The following PTPRN variants were observed in gnomAD, a reference collection of about 807,000 sequenced individuals.
PTPRN encodes the protein receptor-type tyrosine-protein phosphatase-like N.
A neutral mutation model predicts 108.5 loss-of-function variants in PTPRN; 70 were observed. That is an observed-to-expected ratio of 0.65 (90% CI 0.53 to 0.79). The LOEUF is 0.79. Ranked by LOEUF, PTPRN falls within the 30% of genes least tolerant of loss-of-function variation. The probability of loss-of-function intolerance (pLI) is 0.00; values close to 1 mark genes in which losing one functional copy is unlikely to be tolerated. For synonymous variants in PTPRN, 496 were observed against 524.6 expected (o/e 0.95, Z 0.75); for missense variants, 1,136 against 1,295.5 (o/e 0.88, Z 1.89).
intron 3 of PTPRN, among the ~76,000 whole-genome samples, chr2:219,305,063 A>G (rs1952449091): frequency 6.6e-6 from 1 of 151,938 alleles, no homozygotes; most frequent in Admixed American, 6.6e-5. Flanking sequence ...GTCAATTTTC[A>G]TATCTTATTT....
chr2:219,295,141 C>T lies in PTPRN; in HGVS notation c.2509G>A (p.Val837Met). Residue 837 changes from valine to methionine, a missense_variant and splice_region_variant, in exon 19 of 23, where the codon GTG becomes ATG. Val to Met is a conservative substitution (Grantham distance 21). Transcript: ENST00000295718. ...EGASLYHVYE[V>M]NLVSEHIWCE... ...CAGATGTGCTCCGACACCAGGTTCA[C>T]CTGCCCGGCAGGGGCCCAGGCCTGA... 5 of 1,609,414 alleles carry T rather than the reference C, an allele frequency of 3.1e-6. No individual in the cohort carries two copies. The East Asian group carries it at 9.0e-5, about 29-fold the overall frequency.
At chr2:219,295,573 A>T (rs1952171469) in intron 18 of PTPRN, 1 of 158,646 alleles carries the variant, frequency 6.3e-6, no homozygotes. Flanking sequence ...TCTGGTGATG[A>T]GAAGCTTCTG....
chr2:219,294,681 T>G (rs1952136680), intron 19 of PTPRN, among the ~76,000 whole-genome samples: 1 of 151,388 alleles, frequency 6.6e-6, no homozygotes, highest in South Asian at 2.1e-4. Flanking sequence ...CAGAGGGCCC[T>G]CTGGAGGAAG....
chr2:219,304,072 G>A (rs1952423864), intron 3 of PTPRN: 2 of 354,954 alleles, frequency 5.6e-6, no homozygotes, highest in Non-Finnish European at 1.0e-5. Context: ...CCTTGGGCAA[G>A]TTGCTGAACC....
chr2:219,308,924 C>T, intron 1 of PTPRN: 2 of 1,407,446 alleles, frequency 1.4e-6, no homozygotes, highest in Non-Finnish European at 1.9e-6. Flanking sequence ...TGTGGTCTCG[C>T]AGCCGGTCTC....
chr2:219,290,991 C>T lies in PTPRN; in HGVS notation c.2730-101G>A. ...TGGAGGCCTGGGGGAGGGGAGGACACTGGGTGACCCGTTGGGGTTGGCTTG... is the reference window on the plus strand; with the variant it reads ...TGGAGGCCTGGGGGAGGGGAGGACATTGGGTGACCCGTTGGGGTTGGCTTG... On this transcript the variant is annotated intron_variant, in intron 20 of 22. Transcript: ENST00000295718. This position sits in a 1 kb window ranked among gnomAD's most constrained non-coding sequence, Gnocchi z 4.2. The T allele has an allele frequency of 8.6e-7, 1 of 1,160,010 alleles. No homozygotes were observed. Among genetic ancestry groups the T allele is most frequent in the Non-Finnish European group, 1.3e-6 (1 of 774,254 alleles). The allele number at this position is 1,160,010 out of a possible 1,614,324, so 71.9% of individuals were successfully genotyped here.
intron 10 of PTPRN, 79 bp from the exon 11 acceptor site, chr2:219,299,463 C>G (rs934817772): frequency 1.3e-6 from 2 of 1,481,944 alleles, no homozygotes; most frequent in African/African-American, 2.8e-5. Flanking sequence ...CTGGCCCTCT[C>G]CCCGTTAGAG....
chr2:219,295,115 C>T lies in PTPRN; in HGVS notation c.2535G>A (p.Trp845Ter), dbSNP rs774232255. Reference protein sequence around the residue: ...YEVNLVSEHIWCEDFLVRSFY... With the variant: ...YEVNLVSEHI ...AGCTCCGCACCAGAAAGTCCTCGCA[C>T]CAGATGTGCTCCGACACCAGGTTCA... Residue 845 changes from tryptophan (W) to a stop codon, truncating the protein, a stop_gained, in exon 19 of 23, where the codon TGG becomes TGA. Transcript: ENST00000295718. LOFTEE classifies it high-confidence loss of function. 1 of 1,612,598 alleles carries T rather than the reference C, an allele frequency of 6.2e-7. No homozygotes were observed. Among genetic ancestry groups the T allele is most frequent in the Non-Finnish European group, 8.5e-7 (1 of 1,179,258 alleles).
At position 219,290,804 on chromosome 2, in the gene PTPRN, G is replaced by A. The variant is rs757486166; in HGVS notation, c.2794+22C>T. The stretch of plus-strand genomic sequence containing the variant: ...TCTAAAAAGGGCCTGGGGGCTGCGG[G>A]CACCGTGGGGAAGCTCCCTACCTTT... On this transcript the variant is annotated intron_variant, in intron 21 of 22. Coordinates refer to ENST00000295718, the MANE Select transcript of PTPRN (RefSeq NM_002846.4). The surrounding 1 kb of genome is among the most constrained non-coding windows in gnomAD (Gnocchi z 4.2). The A allele has an allele frequency of 6.2e-7, 1 of 1,612,380 alleles. No homozygotes were observed. Among genetic ancestry groups the A allele is most frequent in the Non-Finnish European group, 8.5e-7 (1 of 1,178,428 alleles).
Position 219,302,855 on chromosome 2 carries a change from G to A in PTPRN, c.378-18C>T. On this transcript the variant is annotated intron_variant, in intron 4 of 22. Transcript: ENST00000295718. ...AGCCAGACCTGTAGAGGAAAGCAAA[G>A]TGTGTGTGTTGGAGCGGGGGAAAGG... is the stretch of plus-strand genomic sequence containing the variant. 1.2e-6 allele frequency: 2 copies of A among 1,603,780 alleles called. No homozygotes were observed. The highest frequency in any genetic ancestry group is 1.7e-6 in the Non-Finnish European group (2 of 1,177,262).
intron 18 of PTPRN, 28 bp from the exon 19 acceptor site, chr2:219,295,169 G>C (rs902164486): frequency 6.3e-7 from 1 of 1,593,910 alleles, no homozygotes; most frequent in African/African-American, 1.4e-5. Flanking sequence ...AGGCCTGAGC[G>C]CCGCGGGCTG....
intron 1 of PTPRN, 78 bp downstream of exon 1, chr2:219,309,140 C>A: frequency 6.9e-7 from 1 of 1,451,452 alleles, no homozygotes; most frequent in Non-Finnish European, 9.4e-7. Flanking sequence ...ATTTCACCCT[C>A]ACCCCCACCG....
chr2:219,302,962 G>T (rs1479043199), intron 4 of PTPRN, 125 bp from the exon 5 acceptor site: 29 of 1,111,472 alleles, frequency 2.6e-5, no homozygotes, highest in Non-Finnish European at 3.5e-5. Flanking sequence ...TTTAGAAACT[G>T]AGTGACCTCA....
At position 219,296,316 on chromosome 2, in the gene PTPRN, G is replaced by T; in HGVS notation, c.2418C>A (p.Ile806=). Residue 806 remains isoleucine, a synonymous_variant, in exon 18 of 23, where the codon ATC becomes ATA. Transcript: ENST00000295718. This position sits in a 1 kb window ranked among gnomAD's most constrained non-coding sequence, Gnocchi z 6.0. ...QMVWESGCTV[I]VMLTPLVEDG... is the part of the protein sequence containing the mutation. The stretch of plus-strand genomic sequence containing the variant: ...CCTCCACCAGCGGGGTCAGCATGAC[G>T]ATGACGGTGCAGCCGCTCTCCCACA... The T allele has an allele frequency of 6.2e-7, 1 of 1,614,126 alleles. No homozygotes were observed. The highest frequency in any genetic ancestry group is 8.5e-7 in the Non-Finnish European group (1 of 1,180,024).
In PTPRN at chr2:219,290,771, G is replaced by GGGGAGCCTCTAAAAAGGGCCTGGGCT; in HGVS notation, c.2794+54_2794+55insAGCCCAGGCCCTTTTTAGAGGCTCCC. On this transcript the variant is annotated intron_variant, in intron 21 of 22. Coordinates refer to ENST00000295718, the MANE Select transcript of PTPRN (RefSeq NM_002846.4). The surrounding 1 kb of genome is among the most constrained non-coding windows in gnomAD (Gnocchi z 4.2). ...CTGAGCTCCCAGGACCCTGTGTGCT[G>GGGGAGCCTCTAAAAAGGGCCTGGGCT]GGGAGCCTCTAAAAAGGGCCTGGGG... is the stretch of plus-strand genomic sequence containing the variant. The GGGGAGCCTCTAAAAAGGGCCTGGGCT allele has an allele frequency of 6.4e-7, 1 of 1,566,580 alleles. No individual in the cohort carries two copies. Among genetic ancestry groups the GGGGAGCCTCTAAAAAGGGCCTGGGCT allele is most frequent in the Non-Finnish European group, 8.8e-7 (1 of 1,137,010 alleles).
intron 19 of PTPRN, 27 bp downstream of exon 19, chr2:219,294,948 C>T: frequency 2.0e-6 from 3 of 1,492,244 alleles, no homozygotes; most frequent in Non-Finnish European, 2.7e-6. Flanking sequence ...CCATGCGGTC[C>T]CTCCAGGCGG....
In PTPRN at chr2:219,290,641, CA is replaced by C. The variant is rs1468526188; in HGVS notation, c.2795-31del. The C allele has an allele frequency of 1.3e-6, 2 of 1,543,590 alleles. No homozygotes were observed. The highest frequency in any genetic ancestry group is 1.8e-6 in the Non-Finnish European group (2 of 1,139,484). On this transcript the variant is annotated intron_variant, in intron 21 of 22. Coordinates refer to ENST00000295718, the MANE Select transcript of PTPRN (RefSeq NM_002846.4). This position sits in a 1 kb window ranked among gnomAD's most constrained non-coding sequence, Gnocchi z 4.2. ...AGATGGAGGTGGGGATGGGGCTGCT[CA>C]GGGGGTGTCCAGAGGAGGACAGGAC...
At chr2:219,307,748 C>T in intron 2 of PTPRN, 44 bp downstream of exon 2, 1 of 1,604,994 alleles carries the variant, frequency 6.2e-7, no homozygotes. Flanking sequence ...TTTATTGCCC[C>T]TCTCCCCCCG....
chr2:219,307,612 TC>T, intron 2 of PTPRN, 55 bp from the exon 3 acceptor site: 1 of 1,547,750 alleles, frequency 6.5e-7, no homozygotes, highest in Non-Finnish European at 8.9e-7. Context: ...CCTTCCAAAG[TC>T]CAGGTTGCAA....
Sources: allele counts gnomAD v4.1 joint callset (sites outside exome capture counted in the v4.1 genomes callset), GRCh38; gene constraint gnomAD v4.1.1; non-coding constraint Gnocchi (gnomAD v3.1); transcripts MANE v1.5; gene names NCBI Gene and HGNC (gene_info 2026-07-23, HGNC 2026-07-21).